The following CDH12 variants were observed in gnomAD, a reference collection of about 807,000 sequenced individuals.
CDH12 encodes cadherin-12.
A neutral mutation model predicts 74.1 loss-of-function variants in CDH12; 41 were observed. That is an observed-to-expected ratio of 0.55 (90% confidence interval 0.43 to 0.72). The LOEUF (loss-of-function observed/expected upper bound fraction) is 0.72. CDH12 is among the 30% of genes least tolerant of loss of function. CDH12 has a pLI of 0.00. For missense variants in CDH12, 945 were observed against 977.2 expected (o/e 0.97, Z 0.44); for synonymous variants, 399 against 355.0 (o/e 1.12, Z -1.39).
At chr5:22,556,076 A>G (rs1205099901) in intron 1 of CDH12, among the ~76,000 whole-genome samples, 2 of 152,046 alleles carry the variant, frequency 1.3e-5, no homozygotes, top group Non-Finnish European at 2.9e-5. Context: ...AAAATTTCAA[A>G]GAATGAAATA....
Position 22,425,062 on chromosome 5 carries a change from T to TTA in CDH12, c.-427-19713_-427-19712dup, listed in dbSNP as rs536783287. Among the ~76,000 whole-genome samples, 992 of 133,918 alleles carry TTA rather than the reference T, an allele frequency of 7.4e-3. 8 individuals carry two copies. The highest frequency in any genetic ancestry group is 0.022 in the African/African-American group (778 of 35,146). 87.9% of individuals were successfully genotyped at this position (133,918 alleles called of 152,430 possible). On this transcript the variant is annotated intron_variant, in intron 2 of 14. Coordinates refer to ENST00000382254, the MANE Select transcript of CDH12 (RefSeq NM_004061.5). ...GATAGAGGCTAGAGAATTTTTACATTTATATATATATATATAGAGAGAGAG... is the reference window on the plus strand; with the variant it reads ...GATAGAGGCTAGAGAATTTTTACATTTATATATATATATATATAGAGAGAGAG...
At chr5:22,450,943 T>A (rs1356029610) in intron 2 of CDH12, among the ~76,000 whole-genome samples, 1 of 150,400 alleles carries the variant, frequency 6.6e-6, no homozygotes, top group Non-Finnish European at 1.5e-5. Context: ...CAGACTGGAA[T>A]GCTCTTTGCC....
intron 3 of CDH12, among the ~76,000 whole-genome samples, chr5:22,387,833 G>T (rs1280325635): frequency 6.6e-6 from 1 of 152,078 alleles, no homozygotes; most frequent in Non-Finnish European, 1.5e-5. Flanking sequence ...GCCTATATCT[G>T]CTCCCAGAGC....
At chr5:21,970,914 A>AAC (rs1395471689) in intron 6 of CDH12, among the ~76,000 whole-genome samples, 1 of 149,636 alleles carries the variant, frequency 6.7e-6, no homozygotes, top group Non-Finnish European at 1.5e-5. Flanking sequence ...ACCTCTGAAA[A>AAC]ACTCCACCAA....
intron 2 of CDH12, among the ~76,000 whole-genome samples, chr5:22,448,339 T>A (rs1416881110): frequency 4.6e-5 from 7 of 151,582 alleles, no homozygotes; most frequent in African/African-American, 7.3e-5. Flanking sequence ...AAAAAAAAAA[T>A]ATGCCAGTGA....
intron 5 of CDH12, among the ~76,000 whole-genome samples, chr5:22,045,380 C>T (rs894280644): frequency 1.3e-5 from 2 of 151,972 alleles, no homozygotes; most frequent in Non-Finnish European, 2.9e-5. Flanking sequence ...AGTAAGGAGG[C>T]TTCTTAAATA....
rs1746513782 is a variant in CDH12, at chr5:22,484,631, A to G, written c.-428+20639T>C. Among the ~76,000 whole-genome samples the G allele has an allele frequency of 2.0e-5, 3 of 152,236 alleles. No individual in the cohort carries two copies. The South Asian group carries it at 6.2e-4, about 31-fold the overall frequency. ...GTAAAGGCAAACCTGTTTTTTAACA[A>G]TATATGTACTAAATCAGCAGGGAGA... On this transcript the variant is annotated intron_variant, in intron 2 of 14. Transcript: ENST00000382254.
chr5:21,989,734 T>C (rs983231495), intron 5 of CDH12, among the ~76,000 whole-genome samples: 1 of 152,198 alleles, frequency 6.6e-6, no homozygotes, highest in Non-Finnish European at 1.5e-5. Context: ...TATTAAAATT[T>C]AGAATATATT....
intron 3 of CDH12, among the ~76,000 whole-genome samples, chr5:22,281,070 T>C (rs138970613): frequency 0.039 from 5,864 of 152,180 alleles, 395 homozygotes; most frequent in African/African-American, 0.13. Context: ...TGGTTCAATA[T>C]ACACAAATCA....
chr5:22,640,052 A>T lies in CDH12; in HGVS notation c.-522-134688T>A, dbSNP rs913586800. ...AGGGAGAGGAGCAGAGAGAAAAAATAAACAATAAAGAAAGTGGTAACAAAA... is the reference window on the plus strand; with the variant it reads ...AGGGAGAGGAGCAGAGAGAAAAAATTAACAATAAAGAAAGTGGTAACAAAA... On this transcript the variant is annotated intron_variant, in intron 1 of 14. Coordinates refer to ENST00000382254, the MANE Select transcript of CDH12 (RefSeq NM_004061.5). Among the ~76,000 whole-genome samples, 11 of 152,334 alleles carry T rather than the reference A, an allele frequency of 7.2e-5. No individual in the cohort carries two copies. The East Asian group carries it at 1.7e-3, about 24-fold the overall frequency.
intron 2 of CDH12, among the ~76,000 whole-genome samples, chr5:22,493,749 AG>A (rs1332998834): frequency 6.6e-6 from 1 of 152,214 alleles, no homozygotes; most frequent in Admixed American, 6.5e-5. Context: ...ACTTGAAAGA[AG>A]GACAGAATAC....
chr5:22,688,621 T>C (rs1481513145), intron 1 of CDH12, among the ~76,000 whole-genome samples: 1 of 152,010 alleles, frequency 6.6e-6, no homozygotes, highest in Admixed American at 6.6e-5. Flanking sequence ...GTCAGAGGAG[T>C]GTGTAATTAT....
intron 6 of CDH12, among the ~76,000 whole-genome samples, chr5:21,875,350 T>TGAA (rs1751872438): frequency 6.6e-6 from 1 of 152,210 alleles, no homozygotes; most frequent in East Asian, 1.9e-4. Context: ...TTAATTCATG[T>TGAA]GAAAATGCAT....
chr5:22,111,483 G>A (rs981810053), intron 4 of CDH12, among the ~76,000 whole-genome samples: 4 of 152,036 alleles, frequency 2.6e-5, no homozygotes, highest in African/African-American at 2.4e-5. Flanking sequence ...TTCAATTTGC[G>A]TTTCACTATG....
At chr5:21,842,121 A>T (rs781031413) in intron 8 of CDH12, 40 bp downstream of exon 8, 3 of 1,510,284 alleles carry the variant, frequency 2.0e-6, no homozygotes, top group Non-Finnish European at 2.7e-6. Flanking sequence ...AAATTTTTTT[A>T]AACCGCAATA....
intron 5 of CDH12, among the ~76,000 whole-genome samples, chr5:22,060,997 A>T (rs1277396556): frequency 6.6e-6 from 1 of 152,190 alleles, no homozygotes; most frequent in East Asian, 1.9e-4. Flanking sequence ...TATAGTAAAA[A>T]AAATTCCTTT....
chr5:22,040,637 A>C (rs1317732463), intron 5 of CDH12, among the ~76,000 whole-genome samples: 1 of 152,192 alleles, frequency 6.6e-6, no homozygotes, highest in Non-Finnish European at 1.5e-5. Flanking sequence ...AAAGGCCAAG[A>C]GAGAATGGGA....
intron 7 of CDH12, among the ~76,000 whole-genome samples, chr5:21,852,743 A>G (rs868603817): frequency 1.3e-5 from 2 of 151,342 alleles, no homozygotes; most frequent in Non-Finnish European, 3.0e-5. Flanking sequence ...GTGACCTTTA[A>G]TACTCTCTTT....
At chr5:22,519,423 T>TC (rs1451583679) in intron 1 of CDH12, among the ~76,000 whole-genome samples, 2 of 140,308 alleles carry the variant, frequency 1.4e-5, no homozygotes, top group Non-Finnish European at 3.1e-5. Flanking sequence ...GTATCCACAC[T>TC]CTTTTTTTTT....
Sources: gnomAD v4.1 joint callset for allele counts (sites outside exome capture counted in the v4.1 genomes callset) on GRCh38, gnomAD v4.1.1 for gene constraint, MANE v1.5 for transcripts, NCBI Gene and HGNC (gene_info 2026-07-23, HGNC 2026-07-21) for gene names.